The following SEMA5A variants were observed in gnomAD, a reference collection of about 807,000 sequenced individuals.
The protein encoded by SEMA5A is semaphorin-5A.
In SEMA5A, 55 loss-of-function variants were observed where a neutral mutation model predicts 135.5. That is an observed-to-expected ratio of 0.41 (90% CI 0.33 to 0.51). The LOEUF (loss-of-function observed/expected upper bound fraction) is 0.51. Among genes scored for constraint, SEMA5A ranks in the 20% least tolerant of loss-of-function variants. The probability of loss-of-function intolerance (pLI) is 0.37; values close to 1 mark genes in which losing one functional copy is unlikely to be tolerated. For missense variants in SEMA5A, 1,290 were observed against 1,419.9 expected (o/e 0.91, Z 1.47); for synonymous variants, 580 against 546.5 (o/e 1.06, Z -0.85).
At chr5:9,218,896 C>T (rs2150402673) in intron 8 of SEMA5A, among the ~76,000 whole-genome samples, 2 of 152,338 alleles carry the variant, frequency 1.3e-5, no homozygotes, top group South Asian at 4.1e-4. Context: ...GTATTAACTC[C>T]CTACTACATC....
chr5:9,433,808 C>A (rs16882753), intron 2 of SEMA5A, among the ~76,000 whole-genome samples: 3,528 of 152,248 alleles, frequency 0.023, 65 homozygotes, highest in Non-Finnish European at 0.037. Flanking sequence ...AAAATAAATT[C>A]TCCAGCATAT....
chr5:9,536,425 C>A (rs535650494), intron 1 of SEMA5A, among the ~76,000 whole-genome samples: 2 of 152,056 alleles, frequency 1.3e-5, no homozygotes, highest in East Asian at 3.9e-4. Context: ...CCAGCCTGAC[C>A]AACATGGTGA....
At position 9,353,125 on chromosome 5, in the gene SEMA5A, A is replaced by G. The variant is rs1385310538; in HGVS notation, c.125-15313T>C. ...AGGAAAGGAAAGGAAAGGAAAGGAA[A>G]GGAAAGGAAAGGAAAGGAAAGGAAA... On this transcript the variant is annotated intron_variant, in intron 3 of 22. Coordinates refer to ENST00000382496, the MANE Select transcript of SEMA5A (RefSeq NM_003966.3). 3.0e-4 allele frequency among the ~76,000 whole-genome samples: 20 copies of G among 66,668 alleles called. 1 individual carries two copies. Among genetic ancestry groups the G allele is most frequent in the African/African-American group, 1.5e-3 (19 of 12,824 alleles). The allele number at this position is 66,668 out of a possible 152,430, so 43.7% of individuals were successfully genotyped here. A position where few individuals can be genotyped will look rare whatever the true frequency, so the allele number is the denominator to read the frequency against.
intron 16 of SEMA5A, among the ~76,000 whole-genome samples, chr5:9,105,660 A>G (rs1179854905): frequency 6.6e-6 from 1 of 152,126 alleles, no homozygotes; most frequent in Non-Finnish European, 1.5e-5. Flanking sequence ...AGGAGCTCTC[A>G]GTAGGAAAAA....
chr5:9,247,887 A>G (rs1289745094), intron 5 of SEMA5A, among the ~76,000 whole-genome samples: 1 of 152,180 alleles, frequency 6.6e-6, no homozygotes, highest in Non-Finnish European at 1.5e-5. Flanking sequence ...ATTATTTACT[A>G]TATTATCACA....
chr5:9,445,562 G>A (rs187873654), intron 1 of SEMA5A, among the ~76,000 whole-genome samples: 2,176 of 152,050 alleles, frequency 0.014, 20 homozygotes, highest in Non-Finnish European at 0.023. Context: ...CCAGCTACTC[G>A]GGAGGCTGAG....
At chr5:9,055,779 G>A (rs975182171) in intron 18 of SEMA5A, among the ~76,000 whole-genome samples, 8 of 151,732 alleles carry the variant, frequency 5.3e-5, no homozygotes, top group African/African-American at 1.5e-4. Context: ...AAAGTTATAC[G>A]GTATATCAGA....
chr5:9,247,982 G>C (rs1440990814), intron 5 of SEMA5A, among the ~76,000 whole-genome samples: 1 of 152,130 alleles, frequency 6.6e-6, no homozygotes, highest in East Asian at 1.9e-4. Flanking sequence ...ATGAATATCT[G>C]CTTAAACGTA....
intron 1 of SEMA5A, among the ~76,000 whole-genome samples, chr5:9,489,065 G>T (rs889404778): frequency 3.3e-5 from 5 of 150,480 alleles, no homozygotes; most frequent in African/African-American, 7.5e-5. Context: ...GTGAAATCTT[G>T]GGCAGGGCTC....
At chr5:9,125,950 T>C (rs1293813713) in intron 13 of SEMA5A, among the ~76,000 whole-genome samples, 1 of 152,196 alleles carries the variant, frequency 6.6e-6, no homozygotes, top group Non-Finnish European at 1.5e-5. Flanking sequence ...GCAAACGTAG[T>C]TCCTATGCTT....
intron 3 of SEMA5A, among the ~76,000 whole-genome samples, chr5:9,338,342 T>C (rs2150721183): frequency 6.6e-6 from 1 of 152,326 alleles, no homozygotes; most frequent in South Asian, 2.1e-4. Context: ...CATTCCGACC[T>C]TTCTAGATGA....
chr5:9,316,152 A>G (rs561727399), intron 5 of SEMA5A, among the ~76,000 whole-genome samples: 2 of 152,242 alleles, frequency 1.3e-5, no homozygotes, highest in Admixed American at 6.5e-5. Context: ...TATTTTGACA[A>G]TCAAATTGCC....
chr5:9,182,677 C>A (rs1422355105), intron 11 of SEMA5A, among the ~76,000 whole-genome samples: 1 of 151,486 alleles, frequency 6.6e-6, no homozygotes, highest in Non-Finnish European at 1.5e-5. Flanking sequence ...TGACCCCAGC[C>A]TACTCTTCCT....
At chr5:9,308,901 T>C (rs1247158237) in intron 5 of SEMA5A, among the ~76,000 whole-genome samples, 2 of 152,144 alleles carry the variant, frequency 1.3e-5, no homozygotes, top group Admixed American at 6.5e-5. Context: ...AAGGGCAGGA[T>C]GAGTGATGCC....
intron 5 of SEMA5A, among the ~76,000 whole-genome samples, chr5:9,285,373 C>A (rs957265389): frequency 6.6e-6 from 1 of 152,100 alleles, no homozygotes; most frequent in African/African-American, 2.4e-5. Context: ...ATCACTGGGC[C>A]GTGAACCCGC....
At chr5:9,286,575 A>AACT (rs1381717584) in intron 5 of SEMA5A, among the ~76,000 whole-genome samples, 9 of 152,156 alleles carry the variant, frequency 5.9e-5, no homozygotes, top group Non-Finnish European at 1.2e-4. Flanking sequence ...ACTGCCAGGA[A>AACT]ACTACCCCTT....
At chr5:9,334,616 C>T (rs1478402466) in intron 4 of SEMA5A, among the ~76,000 whole-genome samples, 1 of 152,150 alleles carries the variant, frequency 6.6e-6, no homozygotes, top group East Asian at 1.9e-4. Flanking sequence ...GAAATTGTTG[C>T]ATCATCTTTA....
intron 3 of SEMA5A, among the ~76,000 whole-genome samples, chr5:9,357,845 C>T (rs112765046): frequency 2.0e-5 from 3 of 152,208 alleles, no homozygotes; most frequent in African/African-American, 4.8e-5. Flanking sequence ...CTTAGCTCCA[C>T]GTCATGTCGT....
intron 1 of SEMA5A, among the ~76,000 whole-genome samples, chr5:9,510,311 T>C (rs1053796258): frequency 1.7e-4 from 26 of 152,340 alleles, no homozygotes; most frequent in African/African-American, 5.8e-4. Flanking sequence ...AAACGTTTAT[T>C]GCTTTATTGG....
Sources: gnomAD v4.1 joint callset for allele counts (sites outside exome capture counted in the v4.1 genomes callset) on GRCh38, gnomAD v4.1.1 for gene constraint, MANE v1.5 for transcripts, NCBI Gene and HGNC (gene_info 2026-07-23, HGNC 2026-07-21) for gene names.